Variants in PSME4 observed in about 807,000 individuals in gnomAD.
PSME4 encodes the protein proteasome activator complex subunit 4.
Under a neutral mutation model 253.9 loss-of-function variants are expected in PSME4, and 89 were observed. The observed-to-expected ratio is 0.35, with a 90% confidence interval of 0.30 to 0.42. PSME4 has a LOEUF of 0.42. PSME4 is among the 10% of genes least tolerant of loss of function. The probability of loss-of-function intolerance (pLI) is 1.00; values close to 1 mark genes in which losing one functional copy is unlikely to be tolerated. For synonymous variants in PSME4, 851 were observed against 759.2 expected, an observed-to-expected ratio of 1.12 and a Z score of -1.99; for missense variants, 2,014 against 2,195.2, an observed-to-expected ratio of 0.92 and a Z score of 1.65.
chr2:53,935,151 A>G (rs763962512), intron 7 of PSME4, among the ~76,000 whole-genome samples: 1 of 152,242 alleles, frequency 6.6e-6, no homozygotes, highest in Non-Finnish European at 1.5e-5. Flanking sequence ...AGTATCTTCT[A>G]GCAGAATGCT....
At chr2:53,878,807 G>A (rs1679250933) in intron 41 of PSME4, among the ~76,000 whole-genome samples, 2 of 152,212 alleles carry the variant, frequency 1.3e-5, no homozygotes, top group Non-Finnish European at 2.9e-5. Flanking sequence ...GACAATGTGT[G>A]CCCGAAACTT....
intron 3 of PSME4, among the ~76,000 whole-genome samples, chr2:53,943,123 C>G (rs1001295511): frequency 6.6e-6 from 1 of 152,338 alleles, no homozygotes; most frequent in East Asian, 1.9e-4. Context: ...AAAAGTATAG[C>G]AAATGATATA....
chr2:53,895,547 G>A (rs1680101926), intron 33 of PSME4, 36 bp downstream of exon 33: 1 of 1,563,336 alleles, frequency 6.4e-7, no homozygotes, highest in African/African-American at 1.4e-5. Context: ...TTATATCAAA[G>A]GCATTTAATG....
Position 53,931,888 on chromosome 2 carries a change from C to G in PSME4, c.1263G>C (p.Leu421Phe), listed in dbSNP as rs750000347. The stretch of plus-strand genomic sequence containing the variant: ...CAGGTCTCATGAGTGCAAGATTCTG[C>G]AAAGCCTGGGCTGCTTCTAGACTAC... ...KTGSLEAAQA[L>F]QNLALMRPEL... The change falls in exon 10 of 47, where the codon TTG becomes TTC. Residue 421 changes from leucine to phenylalanine, a missense_variant. Physicochemically the swap from Leu to Phe is conservative, Grantham distance 22. Transcript: ENST00000404125. The G allele has an allele frequency of 2.5e-6, 4 of 1,614,070 alleles. No individual in the cohort carries two copies. Among genetic ancestry groups the G allele is most frequent in the Non-Finnish European group, 3.4e-6 (4 of 1,180,040 alleles).
In PSME4 at chr2:53,932,056, A is replaced by C. The variant is rs746112846; in HGVS notation, c.1095T>G (p.Val365=). ...TGTATCTTTCACGATGCAATCTTCT[A>C]ACAACACTGTTTGGCAACCGCTGAA... ...KLLQRLPNSV[V]RRLHRERYKK... Residue 365 remains valine, a synonymous_variant, in exon 10 of 47, where the codon GTT becomes GTG. Coordinates refer to ENST00000404125, the MANE Select transcript of PSME4 (RefSeq NM_014614.3). 6.2e-7 allele frequency: 1 copy of C among 1,614,068 alleles called. No homozygotes were observed. Among genetic ancestry groups the C allele is most frequent in the Non-Finnish European group, 8.5e-7 (1 of 1,179,914 alleles).
intron 41 of PSME4, among the ~76,000 whole-genome samples, chr2:53,880,706 C>T (rs1447004270): frequency 2.0e-5 from 3 of 152,096 alleles, no homozygotes; most frequent in Non-Finnish European, 4.4e-5. Flanking sequence ...GAAACACTTT[C>T]GTAGGGTAAA....
chr2:53,970,733 G>A lies in PSME4; in HGVS notation c.52C>T (p.Arg18Cys). The change falls in exon 1 of 47, where the codon CGT becomes TGT. Residue 18 changes from arginine (R) to cysteine (C), a missense_variant. Arg to Cys is a radical substitution (Grantham distance 180, BLOSUM62 -3). Transcript: ENST00000404125. ...GVGEPPEPGG[R>C]PEPGPRGFVP... is the part of the protein sequence containing the mutation. ...AAGCCCCGCGGGCCCGGCTCGGGAC[G>A]CCCGCCCGGCTCCGGGGGCTCTCCG... is the stretch of plus-strand genomic sequence containing the variant. The A allele has an allele frequency of 4.5e-6, 7 of 1,546,284 alleles. No homozygotes were observed. The highest frequency in any genetic ancestry group is 6.1e-6 in the Non-Finnish European group (7 of 1,145,582).
Position 53,893,831 on chromosome 2 carries a change from G to A in PSME4, c.3913-32C>T, listed in dbSNP as rs202106008. 8.1e-5 allele frequency: 126 copies of A among 1,547,692 alleles called. No individual in the cohort carries two copies. The East Asian group carries it at 1.4e-3, about 17-fold the overall frequency. On this transcript the variant is annotated intron_variant, in intron 34 of 46. Transcript: ENST00000404125. ...AGTTAAAAAAAGAACAATATTCAGC[G>A]TTTAAAATCCACTTAAATACATGAT...
chr2:53,866,794 G>C lies in PSME4; in HGVS notation c.5350C>G (p.Leu1784Val). 6.2e-7 allele frequency: 1 copy of C among 1,613,920 alleles called. No individual in the cohort carries two copies. The part of the protein sequence containing the change: ...PYDVPTWMPQ[L>V]LMNLSAHLND... ...AGATGTGCACTGAGATTCATGAGGA[G>C]CTGGGGCATCCAGGTGGGAACATCG... The change falls in exon 45 of 47, where the codon CTC (leucine) becomes GTC (valine). Residue 1784 changes from leucine (L) to valine (V), a missense_variant. Coordinates refer to ENST00000404125, the MANE Select transcript of PSME4 (RefSeq NM_014614.3).
intron 41 of PSME4, among the ~76,000 whole-genome samples, chr2:53,877,651 G>A (rs1679199255): frequency 1.3e-5 from 2 of 152,136 alleles, no homozygotes; most frequent in Non-Finnish European, 2.9e-5. Flanking sequence ...AAGGGTGGGG[G>A]ATTCTTTCTA....
intron 20 of PSME4, among the ~76,000 whole-genome samples, chr2:53,918,448 G>C (rs1006697659): frequency 6.6e-6 from 1 of 151,974 alleles, no homozygotes; most frequent in Non-Finnish European, 1.5e-5. Context: ...CTGCCTCCTG[G>C]GCTCAAGCAA....
At position 53,906,882 on chromosome 2, in the gene PSME4, T is replaced by C. The variant is rs1208295396; in HGVS notation, c.2785-14A>G. ...TTTCCCATGGAGCTGGAAAACAAAG[T>C]AGCAACAAATACTTCAACATTTTCC... On this transcript the variant is annotated splice_polypyrimidine_tract_variant and intron_variant, in intron 24 of 46. Coordinates refer to ENST00000404125, the MANE Select transcript of PSME4 (RefSeq NM_014614.3). 2 of 1,609,778 alleles carry C rather than the reference T, an allele frequency of 1.2e-6. No homozygotes were observed. The highest frequency in any genetic ancestry group is 2.7e-5 in the African/African-American group (2 of 74,842).
chr2:53,932,625 T>G, intron 9 of PSME4, 43 bp downstream of exon 9: 1 of 1,490,826 alleles, frequency 6.7e-7, no homozygotes, highest in Non-Finnish European at 9.4e-7. Context: ...TGACCATATC[T>G]TTAAAAATTC....
At chr2:53,948,575 A>AGGTAT in intron 2 of PSME4, 38 bp from the exon 3 acceptor site, 1 of 1,162,254 alleles carries the variant, frequency 8.6e-7, no homozygotes, top group Non-Finnish European at 1.3e-6. Flanking sequence ...ATGTATGCAT[A>AGGTAT]TGTGCACAGA....
Position 53,970,640 on chromosome 2 carries a change from C to A in PSME4, c.145G>T (p.Asp49Tyr). The A allele has an allele frequency of 4.5e-6, 7 of 1,550,132 alleles. No individual in the cohort carries two copies. The highest frequency in any genetic ancestry group is 1.2e-5 in the South Asian group (1 of 84,036). Residue 49 changes from aspartate (D) to tyrosine (Y), a missense_variant, in exon 1 of 47, where the codon GAC becomes TAC. Transcript: ENST00000404125. Reference sequence around the variant, plus strand: ...CATTTGATCTGGGCCAGCTGCAAGTCGGACTCGGCGTCTAGCCGCTCCGCG... The same window carrying A: ...CATTTGATCTGGGCCAGCTGCAAGTAGGACTCGGCGTCTAGCCGCTCCGCG... ...PYAERLDAES[D>Y]LQLAQIKCNL...
At chr2:53,873,022 C>T (rs1195313079) in intron 43 of PSME4, among the ~76,000 whole-genome samples, 1 of 151,556 alleles carries the variant, frequency 6.6e-6, no homozygotes, top group South Asian at 2.1e-4. Flanking sequence ...AGGCAGATCA[C>T]GAGGTCAGGA....
intron 18 of PSME4, 28 bp from the exon 19 acceptor site, chr2:53,920,378 A>C: frequency 6.5e-7 from 1 of 1,546,146 alleles, no homozygotes; most frequent in East Asian, 2.3e-5. Flanking sequence ...CTACTCAGCA[A>C]GTTGAGAAAT....
At chr2:53,937,975 A>C (rs1044412843) in intron 4 of PSME4, among the ~76,000 whole-genome samples, 1 of 151,892 alleles carries the variant, frequency 6.6e-6, no homozygotes, top group Non-Finnish European at 1.5e-5. Flanking sequence ...CCTGGGCAAC[A>C]GAGTGAGACT....
intron 20 of PSME4, among the ~76,000 whole-genome samples, chr2:53,915,031 G>C (rs1211367928): frequency 6.6e-6 from 1 of 152,160 alleles, no homozygotes; most frequent in Non-Finnish European, 1.5e-5. Context: ...ATATAGCACA[G>C]AAGACAGGTT....
Sources: allele counts gnomAD v4.1 joint callset (sites outside exome capture counted in the v4.1 genomes callset), GRCh38; gene constraint gnomAD v4.1.1; transcripts MANE v1.5; gene names NCBI Gene and HGNC (gene_info 2026-07-23, HGNC 2026-07-21).